DAB1: variants seen among roughly 807,000 people sequenced by gnomAD.
DAB1 encodes disabled homolog 1.
DAB1 carries 15 observed loss-of-function variants against 64.6 expected under a neutral mutation model. That is an observed-to-expected ratio of 0.23 (90% CI 0.16 to 0.36). The LOEUF (loss-of-function observed/expected upper bound fraction) is 0.36. Ranked by LOEUF, DAB1 falls within the 10% of genes least tolerant of loss-of-function variation. The probability of loss-of-function intolerance (pLI) is 1.00; values close to 1 mark genes in which losing one functional copy is unlikely to be tolerated. For missense variants in DAB1, 596 were observed against 706.7 expected (o/e 0.84, Z 1.78); for synonymous variants, 235 against 251.9 (o/e 0.93, Z 0.64).
chr1:58,104,664 C>A (rs1306351527), intron 5 of DAB1, among the ~76,000 whole-genome samples: 2 of 152,102 alleles, frequency 1.3e-5, no homozygotes, highest in Non-Finnish European at 2.9e-5. Context: ...TTTCTCTTAA[C>A]ATATTTAAAT....
chr1:57,535,375 T>C (rs1453773446), intron 7 of DAB1, among the ~76,000 whole-genome samples: 1 of 152,154 alleles, frequency 6.6e-6, no homozygotes, highest in Non-Finnish European at 1.5e-5. Context: ...ATGAATGATT[T>C]AGTACCCCGC....
chr1:57,964,919 G>C (rs138897696), intron 5 of DAB1, among the ~76,000 whole-genome samples: 305 of 152,258 alleles, frequency 2.0e-3, no homozygotes, highest in Non-Finnish European at 3.3e-3. Flanking sequence ...GACATTATTT[G>C]CTGGGGGAAT....
At chr1:57,760,557 C>T (rs545326945) in intron 6 of DAB1, among the ~76,000 whole-genome samples, 5 of 151,680 alleles carry the variant, frequency 3.3e-5, no homozygotes, top group South Asian at 4.2e-4. Flanking sequence ...CCCTCTCCTC[C>T]CTTCTCTACT....
chr1:58,080,723 G>A lies in DAB1; in HGVS notation n.387+69788C>T, dbSNP rs530493993. Among the ~76,000 whole-genome samples, 15 of 152,354 alleles carry A rather than the reference G, an allele frequency of 9.8e-5. 1 individual carries two copies. In the South Asian group the frequency reaches 3.1e-3, roughly 32 times the overall value. On this transcript the variant is annotated intron_variant and non_coding_transcript_variant, in intron 5 of 20. Transcript: ENST00000485760. ...ACACTGGAAGGAATCAGAAAGGCCT[G>A]TGTTGGGATCAACGCTCTGCCATTT...
chr1:58,012,657 G>T (rs969516929), intron 5 of DAB1, among the ~76,000 whole-genome samples: 11 of 152,094 alleles, frequency 7.2e-5, no homozygotes, highest in Admixed American at 5.2e-4. Context: ...CAAGAGGTTG[G>T]TCTTGCTCTC....
At chr1:58,140,308 G>A (rs1041398696) in intron 5 of DAB1, among the ~76,000 whole-genome samples, 1 of 152,182 alleles carries the variant, frequency 6.6e-6, no homozygotes, top group Non-Finnish European at 1.5e-5. Flanking sequence ...CAAAGAGAAA[G>A]TGCTACATTT....
intron 1 of DAB1, among the ~76,000 whole-genome samples, chr1:57,408,466 C>A (rs979406968): frequency 6.6e-6 from 1 of 152,104 alleles, no homozygotes; most frequent in African/African-American, 2.4e-5. Flanking sequence ...CACTTCAAGT[C>A]AGGATAGGTT....
At position 57,908,152 on chromosome 1, in the gene DAB1, T is replaced by C. The variant is rs143224691; in HGVS notation, n.388-23990A>G. ...CTATTTTCTCCTTCTTTTAACAGAA[T>C]TGCTCCCAAAAAACAGATTTATTGA... is the stretch of plus-strand genomic sequence containing the variant. On this transcript the variant is annotated intron_variant and non_coding_transcript_variant, in intron 5 of 20. Transcript: ENST00000485760. 2.0e-3 allele frequency among the ~76,000 whole-genome samples: 307 copies of C among 152,156 alleles called. 1 individual carries two copies. Among genetic ancestry groups the C allele is most frequent in the African/African-American group, 7.1e-3 (296 of 41,530 alleles).
intron 1 of DAB1, among the ~76,000 whole-genome samples, chr1:57,349,157 T>G (rs1054176754): frequency 1.3e-5 from 2 of 152,208 alleles, no homozygotes; most frequent in Non-Finnish European, 2.9e-5. Flanking sequence ...CTGTTTGTAA[T>G]AACTCGTCCT....
chr1:57,893,370 G>C (rs1484930903), intron 5 of DAB1, among the ~76,000 whole-genome samples: 1 of 152,110 alleles, frequency 6.6e-6, no homozygotes, highest in Non-Finnish European at 1.5e-5. Flanking sequence ...ATGACATTTA[G>C]AGCATAAGCC....
intron 3 of DAB1, among the ~76,000 whole-genome samples, chr1:58,447,097 C>T (rs376471708): frequency 1.3e-5 from 2 of 152,288 alleles, no homozygotes; most frequent in African/African-American, 4.8e-5. Context: ...GGCCAGGTGG[C>T]CAGATTCCTC....
At chr1:58,268,186 A>G (rs1253361570) in intron 4 of DAB1, among the ~76,000 whole-genome samples, 1 of 152,220 alleles carries the variant, frequency 6.6e-6, no homozygotes. Context: ...TTAAAAAATT[A>G]TTCTTTTATA....
At chr1:58,045,853 T>G (rs1235242919) in intron 5 of DAB1, among the ~76,000 whole-genome samples, 1 of 152,100 alleles carries the variant, frequency 6.6e-6, no homozygotes, top group South Asian at 2.1e-4. Flanking sequence ...AGCATAGAGA[T>G]GCAAGCTTTG....
intron 7 of DAB1, among the ~76,000 whole-genome samples, chr1:57,463,215 A>G (rs1470701031): frequency 3.9e-5 from 6 of 152,176 alleles, no homozygotes; most frequent in Admixed American, 2.6e-4. Flanking sequence ...GTGGAGCCTC[A>G]ATCTCCCATG....
intron 1 of DAB1, among the ~76,000 whole-genome samples, chr1:57,314,651 G>A (rs972285391): frequency 6.6e-6 from 1 of 151,964 alleles, no homozygotes; most frequent in Non-Finnish European, 1.5e-5. Context: ...GGCCTGGTGG[G>A]GCACACCTGT....
At chr1:58,514,885 G>C (rs1438409826) in intron 2 of DAB1, among the ~76,000 whole-genome samples, 2 of 152,158 alleles carry the variant, frequency 1.3e-5, no homozygotes, top group Non-Finnish European at 2.9e-5. Context: ...TACTGTCTAT[G>C]AGAGCTTTGC....
chr1:58,262,715 T>C (rs778613094), intron 4 of DAB1, among the ~76,000 whole-genome samples: 15 of 152,222 alleles, frequency 9.9e-5, no homozygotes, highest in Non-Finnish European at 1.9e-4. Context: ...GATTTTCTCA[T>C]TTTTGGCACG....
At chr1:57,915,674 A>T (rs1033598888) in intron 5 of DAB1, among the ~76,000 whole-genome samples, 1 of 152,180 alleles carries the variant, frequency 6.6e-6, no homozygotes, top group African/African-American at 2.4e-5. Flanking sequence ...TAGACAGGCA[A>T]AGTCAGAGAG....
intron 4 of DAB1, among the ~76,000 whole-genome samples, chr1:58,338,211 CTT>C (rs1663168910): frequency 6.6e-6 from 1 of 152,138 alleles, no homozygotes; most frequent in African/African-American, 2.4e-5. Flanking sequence ...GCAGAGAGGA[CTT>C]TTCTCAGCTG....
Sources: gnomAD v4.1 joint callset for allele counts (sites outside exome capture counted in the v4.1 genomes callset) on GRCh38, gnomAD v4.1.1 for gene constraint, MANE v1.5 for transcripts, NCBI Gene and HGNC (gene_info 2026-07-23, HGNC 2026-07-21) for gene names.